The following BRINP3 variants were observed in gnomAD, a reference collection of about 807,000 sequenced individuals.
BRINP3 encodes the protein BMP/retinoic acid-inducible neural-specific protein 3.
In BRINP3, 19 loss-of-function variants were observed where a neutral mutation model predicts 71.0. The observed-to-expected ratio is 0.27, with a 90% confidence interval of 0.19 to 0.39. The LOEUF is 0.39. BRINP3 is among the 10% of genes least tolerant of loss of function. The pLI is 1.00. For missense variants in BRINP3, 959 were observed against 940.8 expected, an observed-to-expected ratio of 1.02 and a Z score of -0.25; for synonymous variants, 380 against 337.7, an observed-to-expected ratio of 1.13 and a Z score of -1.37.
intron 2 of BRINP3, among the ~76,000 whole-genome samples, chr1:190,441,937 T>C (rs1642761772): frequency 6.6e-6 from 1 of 152,120 alleles, no homozygotes; most frequent in Non-Finnish European, 1.5e-5. Context: ...GATGATCACT[T>C]GACAGTTATG....
intron 6 of BRINP3, among the ~76,000 whole-genome samples, chr1:190,205,939 GA>G (rs1374645938): frequency 6.6e-6 from 1 of 151,696 alleles, no homozygotes; most frequent in Non-Finnish European, 1.5e-5. Flanking sequence ...TTTCCCAAAG[GA>G]AAACTTTATG....
At chr1:190,313,516 C>T (rs1382616877) in intron 2 of BRINP3, among the ~76,000 whole-genome samples, 1 of 151,950 alleles carries the variant, frequency 6.6e-6, no homozygotes, top group African/African-American at 2.4e-5. Context: ...AATTCTGCAA[C>T]CTATGTGATT....
At chr1:190,283,564 ATG>A (rs1387497137) in intron 2 of BRINP3, among the ~76,000 whole-genome samples, 1 of 151,162 alleles carries the variant, frequency 6.6e-6, no homozygotes, top group African/African-American at 2.4e-5. Context: ...ATAAATTTTT[ATG>A]TTAGTCACTT....
At chr1:190,448,217 C>A (rs1675357617) in intron 2 of BRINP3, among the ~76,000 whole-genome samples, 1 of 151,444 alleles carries the variant, frequency 6.6e-6, no homozygotes, top group East Asian at 1.9e-4. Flanking sequence ...AATTTGTATT[C>A]TTAATATCTA....
chr1:190,172,710 C>T (rs1052721964), intron 6 of BRINP3, among the ~76,000 whole-genome samples: 11 of 152,038 alleles, frequency 7.2e-5, no homozygotes, highest in Admixed American at 1.3e-4. Context: ...TCATGTGGGA[C>T]GTGGAAGGCT....
intron 2 of BRINP3, among the ~76,000 whole-genome samples, chr1:190,438,316 A>T (rs1253615480): frequency 6.6e-6 from 1 of 151,644 alleles, no homozygotes; most frequent in East Asian, 1.9e-4. Context: ...ATAATCTCAA[A>T]TATTATTTTT....
At chr1:190,330,515 C>T (rs578150473) in intron 2 of BRINP3, among the ~76,000 whole-genome samples, 1 of 152,138 alleles carries the variant, frequency 6.6e-6, no homozygotes, top group South Asian at 2.1e-4. Flanking sequence ...AAGAGGAATA[C>T]TTACACACTG....
chr1:190,431,677 A>G (rs568973780), intron 2 of BRINP3, among the ~76,000 whole-genome samples: 1 of 152,228 alleles, frequency 6.6e-6, no homozygotes, highest in Admixed American at 6.5e-5. Context: ...TCATATTAAT[A>G]AATTATTAAA....
intron 2 of BRINP3, among the ~76,000 whole-genome samples, chr1:190,431,988 C>A (rs1217176895): frequency 6.6e-6 from 1 of 151,886 alleles, no homozygotes; most frequent in Non-Finnish European, 1.5e-5. Context: ...AAATAAGAAC[C>A]AAATAATGCT....
At chr1:190,248,260 TG>T (rs1378611172) in intron 4 of BRINP3, among the ~76,000 whole-genome samples, 1 of 151,826 alleles carries the variant, frequency 6.6e-6, no homozygotes, top group East Asian at 1.9e-4. Flanking sequence ...TATTTTCCTT[TG>T]TTTTTTTTAA....
At chr1:190,280,483 C>G (rs867099125) in intron 3 of BRINP3, among the ~76,000 whole-genome samples, 13 of 151,794 alleles carry the variant, frequency 8.6e-5, no homozygotes, top group Middle Eastern at 3.4e-3. Flanking sequence ...ATGATGATGT[C>G]TTGGTCTAGA....
chr1:190,381,568 T>C (rs981359620), intron 2 of BRINP3, among the ~76,000 whole-genome samples: 1 of 152,222 alleles, frequency 6.6e-6, no homozygotes, highest in African/African-American at 2.4e-5. Flanking sequence ...AATATTTTAA[T>C]TGGTCATCTC....
intron 4 of BRINP3, among the ~76,000 whole-genome samples, chr1:190,237,752 T>C (rs1332894429): frequency 6.6e-6 from 1 of 152,008 alleles, no homozygotes; most frequent in Non-Finnish European, 1.5e-5. Flanking sequence ...CCTAGTTACA[T>C]TAGGTTATAT....
chr1:190,322,168 T>C (rs1759762), intron 2 of BRINP3, among the ~76,000 whole-genome samples: 58,738 of 151,804 alleles, frequency 0.39, 12,648 homozygotes, highest in Non-Finnish European at 0.49. Flanking sequence ...AAGAATATGG[T>C]ATTTCCAGTA....
At chr1:190,236,355 G>A (rs1306783421) in intron 4 of BRINP3, among the ~76,000 whole-genome samples, 1 of 151,832 alleles carries the variant, frequency 6.6e-6, no homozygotes, top group Non-Finnish European at 1.5e-5. Flanking sequence ...TAGTAGGAGT[G>A]GCAACACAGG....
chr1:190,135,845 T>C (rs938906258), intron 7 of BRINP3, among the ~76,000 whole-genome samples: 10 of 152,228 alleles, frequency 6.6e-5, no homozygotes, highest in African/African-American at 2.4e-4. Flanking sequence ...GCATATATCA[T>C]TTTTCCTATT....
intron 2 of BRINP3, among the ~76,000 whole-genome samples, chr1:190,442,906 C>G (rs941383385): frequency 9.8e-6 from 1 of 101,576 alleles, no homozygotes; most frequent in South Asian, 3.8e-4. Context: ...GTCTCTGTAT[C>G]TTTTTTTTTT....
chr1:190,456,427 G>T (rs1489254157), intron 1 of BRINP3, among the ~76,000 whole-genome samples: 3 of 152,052 alleles, frequency 2.0e-5, no homozygotes, highest in Non-Finnish European at 4.4e-5. Flanking sequence ...TTTTAAAAAT[G>T]ATTTTCTATA....
rs1324126960 is a variant in BRINP3, at chr1:190,156,331, A to T, written c.1184+4337T>A. On this transcript the variant is annotated intron_variant, in intron 7 of 7. Transcript: ENST00000367462. ...TTAGCAGATCATAAATTGAGAGAAA[A>T]GTTCAAGGGAATGACTGAGAACAAT... 2.6e-5 allele frequency among the ~76,000 whole-genome samples: 4 copies of T among 152,084 alleles called. No individual in the cohort carries two copies. In the East Asian group the frequency reaches 7.7e-4, roughly 29 times the overall value.
Sources: gnomAD v4.1 joint callset for allele counts (sites outside exome capture counted in the v4.1 genomes callset) on GRCh38, gnomAD v4.1.1 for gene constraint, MANE v1.5 for transcripts, NCBI Gene and HGNC (gene_info 2026-07-23, HGNC 2026-07-21) for gene names.